Variants in SLC36A1 observed in about 807,000 individuals in gnomAD.
SLC36A1 encodes the protein solute carrier family 36 member 1.
Under a neutral mutation model 47.5 loss-of-function variants are expected in SLC36A1, and 30 were observed. That is an observed-to-expected ratio of 0.63 (90% CI 0.47 to 0.86). The LOEUF (loss-of-function observed/expected upper bound fraction) is 0.86. Ranked by LOEUF, SLC36A1 falls within the 40% of genes least tolerant of loss-of-function variation. SLC36A1 has a pLI of 0.00. For missense variants in SLC36A1, 517 were observed against 606.0 expected, an observed-to-expected ratio of 0.85 and a Z score of 1.54; for synonymous variants, 255 against 249.7, an observed-to-expected ratio of 1.02 and a Z score of -0.20.
At chr5:151,414,024 TA>T in the SLC36A1 span, among the ~76,000 whole-genome samples, 1 of 152,102 alleles carries the variant, frequency 6.6e-6, no homozygotes, top group Non-Finnish European at 1.5e-5. Flanking sequence ...AATACACATA[TA>T]ACAAATACTT....
chr5:151,449,151 T>A (rs2127448415), intron 1 of SLC36A1, among the ~76,000 whole-genome samples: 1 of 152,318 alleles, frequency 6.6e-6, no homozygotes, highest in South Asian at 2.1e-4. Flanking sequence ...TAGGAAGCAG[T>A]TTCCTCTGCT....
chr5:151,413,707 G>C, the SLC36A1 span, among the ~76,000 whole-genome samples: 1 of 151,956 alleles, frequency 6.6e-6, no homozygotes, highest in Non-Finnish European at 1.5e-5. Flanking sequence ...TTGCTTTTGT[G>C]TACTGAGGGG....
chr5:151,506,137 C>A, the SLC36A1 span: 1 of 1,490,912 alleles, frequency 6.7e-7, no homozygotes, highest in Non-Finnish European at 8.8e-7. Flanking sequence ...TCATTTTCTC[C>A]CCGGAAGGTT....
In SLC36A1 at chr5:151,467,508, C is replaced by T. The variant is rs191500039; in HGVS notation, c.505-199C>T. On this transcript the variant is annotated intron_variant, in intron 6 of 10. Transcript: ENST00000243389. ...CTTGTCGACCCTCCTGTCCTAGGTA[C>T]ATATGATCAAACCTAGCTCAGACAA... Among the ~76,000 whole-genome samples, 52 of 152,224 alleles carry T rather than the reference C, an allele frequency of 3.4e-4. 1 individual carries two copies. Among genetic ancestry groups the T allele is most frequent in the Non-Finnish European group, 2.9e-5 (2 of 68,016 alleles).
the SLC36A1 span, among the ~76,000 whole-genome samples, chr5:151,497,806 A>G: frequency 6.6e-6 from 1 of 152,174 alleles, no homozygotes; most frequent in Non-Finnish European, 1.5e-5. Flanking sequence ...TGTGACAACT[A>G]AAAATGTCTC....
At chr5:151,468,742 A>G (rs1756942046) in intron 7 of SLC36A1, among the ~76,000 whole-genome samples, 1 of 152,048 alleles carries the variant, frequency 6.6e-6, no homozygotes, top group African/African-American at 2.4e-5. Flanking sequence ...ACTTTTTTCA[A>G]TTAGATGGTT....
At chr5:151,515,776 C>G in the SLC36A1 span, among the ~76,000 whole-genome samples, 2 of 152,196 alleles carry the variant, frequency 1.3e-5, no homozygotes, top group South Asian at 4.1e-4. Context: ...CAGTGGCCTC[C>G]TGACTGGGTC....
chr5:151,467,238 A>G lies in SLC36A1; in HGVS notation c.459A>G (p.Gly153=). Residue 153 remains glycine, a synonymous_variant, in exon 6 of 11, where the codon GGA becomes GGG. Transcript: ENST00000243389. ...TCTTCCTGATTGTCACCCAGCTGGG[A>G]TTCTGCTGTGTCTATTTTGTGTTTC... ...VDFFLIVTQL[G]FCCVYFVFLA... is the part of the protein sequence containing the mutation. 1 of 1,608,678 alleles carries G rather than the reference A, an allele frequency of 6.2e-7. No homozygotes were observed. Among genetic ancestry groups the G allele is most frequent in the Non-Finnish European group, 8.5e-7 (1 of 1,178,132 alleles).
the SLC36A1 span, chr5:151,509,998 C>A: frequency 1.2e-6 from 2 of 1,610,178 alleles, no homozygotes; most frequent in African/African-American, 2.8e-5. Context: ...GAGCCCATGG[C>A]AGGTGGCCTC....
chr5:151,490,943 A>G lies in SLC36A1; in HGVS notation c.*2689A>G, dbSNP rs1454384081. Reference sequence around the variant, plus strand: ...CCAGTGTCTTCCCAGGATAAGTAGAAATATGATCACAGAGCAACGGAGCAA... The same window carrying G: ...CCAGTGTCTTCCCAGGATAAGTAGAGATATGATCACAGAGCAACGGAGCAA... On this transcript the variant is annotated 3_prime_UTR_variant, in exon 11 of 11. Transcript: ENST00000243389. The G allele has an allele frequency of 6.6e-6, 1 of 152,244 alleles. No homozygotes were observed. Among genetic ancestry groups the G allele is most frequent in the Admixed American group, 6.5e-5 (1 of 15,282 alleles). The allele number at this position is 152,244 out of a possible 1,614,324, so 9.4% of individuals were successfully genotyped here. A position where few individuals can be genotyped will look rare whatever the true frequency, so the allele number is the denominator to read the frequency against.
the SLC36A1 span, among the ~76,000 whole-genome samples, chr5:151,498,459 T>C: frequency 6.6e-6 from 1 of 152,220 alleles, no homozygotes; most frequent in Admixed American, 6.5e-5. Flanking sequence ...TATCCCCACT[T>C]TGCAAACTAG....
chr5:151,517,613 G>A, the SLC36A1 span: 1 of 1,613,848 alleles, frequency 6.2e-7, no homozygotes, highest in South Asian at 1.1e-5. Flanking sequence ...GGCTGGCAGT[G>A]CCTTACCTTC....
the SLC36A1 span, among the ~76,000 whole-genome samples, chr5:151,348,225 C>T: frequency 6.6e-6 from 1 of 152,156 alleles, no homozygotes; most frequent in Admixed American, 6.5e-5. Flanking sequence ...TGACTCCCAG[C>T]CACAGTTTGC....
At chr5:151,441,281 C>A (rs1347022183) in intron 1 of SLC36A1, among the ~76,000 whole-genome samples, 2 of 152,082 alleles carry the variant, frequency 1.3e-5, no homozygotes, top group Non-Finnish European at 2.9e-5. Context: ...CATAGCAAGA[C>A]CTCATTTCTA....
chr5:151,537,617 G>C, the SLC36A1 span, among the ~76,000 whole-genome samples: 3 of 152,160 alleles, frequency 2.0e-5, no homozygotes, highest in African/African-American at 4.8e-5. Flanking sequence ...CCCAAATCTT[G>C]TCTTATCAAT....
the SLC36A1 span, among the ~76,000 whole-genome samples, chr5:151,350,141 C>T: frequency 1.3e-5 from 2 of 152,050 alleles, no homozygotes; most frequent in Non-Finnish European, 2.9e-5. Context: ...CCACCACCCT[C>T]CCCCGGCCCC....
the SLC36A1 span, chr5:151,551,557 G>A: frequency 8.1e-6 from 13 of 1,614,178 alleles, 1 homozygote; most frequent in East Asian, 6.7e-5. Flanking sequence ...TGGCAATGAC[G>A]ATGCTGCCTG....
chr5:151,465,303 G>C, intron 5 of SLC36A1, 134 bp downstream of exon 5: 2 of 728,162 alleles, frequency 2.7e-6, no homozygotes, highest in East Asian at 2.6e-5. Flanking sequence ...CTGTGGCTCA[G>C]CTCTGCTGGT....
At chr5:151,527,105 G>T in the SLC36A1 span, 2 of 919,790 alleles carry the variant, frequency 2.2e-6, no homozygotes, top group Non-Finnish European at 3.3e-6. Context: ...AGTCTGTGTT[G>T]CCTTTGGGGA....
Sources: allele counts gnomAD v4.1 joint callset (sites outside exome capture counted in the v4.1 genomes callset), GRCh38; gene constraint gnomAD v4.1.1; transcripts MANE v1.5; gene names NCBI Gene and HGNC (gene_info 2026-07-23, HGNC 2026-07-21).